The following BTBD19 variants were observed in gnomAD, a reference collection of about 807,000 sequenced individuals.
BTBD19 encodes BTB domain containing 19, also known as BTB/POZ domain-containing protein 19.
BTBD19 carries 20 observed loss-of-function variants against 36.1 expected under a neutral mutation model. The observed-to-expected ratio is 0.55, with a 90% CI of 0.39 to 0.80. BTBD19 has a LOEUF of 0.80. Among genes scored for constraint, BTBD19 ranks in the 30% least tolerant of loss-of-function variants. The pLI is 0.00. For synonymous variants in BTBD19, 157 were observed against 174.3 expected (o/e 0.90, Z 0.78); for missense variants, 325 against 389.8 (o/e 0.83, Z 1.40).
exon 1 of BTBD19, chr1:44,808,780 G>T (rs762805241): frequency 9.8e-5 from 142 of 1,443,414 alleles, no homozygotes; most frequent in African/African-American, 4.3e-5. Flanking sequence ...GCCTGGCCAG[G>T]CCTCCCAGGC....
At position 44,810,364 on chromosome 1, in the gene BTBD19, G is replaced by C. The variant is rs2148862743; in HGVS notation, c.238G>C (p.Glu80Gln). 6.4e-7 allele frequency: 1 copy of C among 1,551,754 alleles called. No individual in the cohort carries two copies. Among genetic ancestry groups the C allele is most frequent in the East Asian group, 2.4e-5 (1 of 40,930 alleles). Reference sequence around the variant, plus strand: ...TGTGGTGCTAAGCACTGTGCCAACTGAGGCCTTCCTGGCAGTGCTGGAGTT... The same window carrying C: ...TGTGGTGCTAAGCACTGTGCCAACTCAGGCCTTCCTGGCAGTGCTGGAGTT... The change falls in exon 2 of 8, where the codon GAG (glutamate) becomes CAG (glutamine). Residue 80 changes from glutamate to glutamine, a missense_variant. Glu to Gln is a conservative substitution (Grantham distance 29). Transcript: ENST00000450269. The surrounding 1 kb of genome is among the most constrained non-coding windows in gnomAD (Gnocchi z 4.2).
Position 44,813,237 on chromosome 1 carries a change from C to G in BTBD19, c.583C>G (p.Arg195Gly), listed in dbSNP as rs920910130. The G allele has an allele frequency of 8.4e-6, 13 of 1,539,500 alleles. No homozygotes were observed. In the African/African-American group the frequency reaches 1.5e-4, roughly 18 times the overall value. The change falls in exon 6 of 8, where the codon CGC becomes GGC. Residue 195 changes from arginine to glycine, a missense_variant. Arg to Gly is a moderately radical substitution (Grantham distance 125). Transcript: ENST00000450269. The surrounding 1 kb of genome is among the most constrained non-coding windows in gnomAD (Gnocchi z 7.8). ...CTGCGTGGACGAGGCTGAACTGGTCCGCGCGGCCCGAAGCTGGGCGCGCGT... is the reference window on the plus strand; with the variant it reads ...CTGCGTGGACGAGGCTGAACTGGTCGGCGCGGCCCGAAGCTGGGCGCGCGT...
intron 4 of BTBD19, 104 bp from the exon 5 acceptor site, chr1:44,812,892 C>G: frequency 2.7e-6 from 3 of 1,123,184 alleles, no homozygotes. Context: ...CTGTCAGCCT[C>G]CCCAGCTAGG....
chr1:44,810,621 C>A lies in BTBD19; in HGVS notation c.354+14C>A. On this transcript the variant is annotated intron_variant, in intron 3 of 7. Coordinates refer to ENST00000450269, the Ensembl canonical transcript of BTBD19. The surrounding 1 kb of genome is among the most constrained non-coding windows in gnomAD (Gnocchi z 4.2). ...GAACTGAGAGAGGTGGGTTTTTGTG[C>A]CAGGTCCCTGTCTCATTTCCCTTGC... 1 of 1,534,374 alleles carries A rather than the reference C, an allele frequency of 6.5e-7. No homozygotes were observed. Among genetic ancestry groups the A allele is most frequent in the South Asian group, 1.2e-5 (1 of 81,394 alleles).
intron 1 of BTBD19, among the ~76,000 whole-genome samples, chr1:44,809,214 T>TG (rs1053903449): frequency 6.6e-6 from 1 of 152,056 alleles, no homozygotes; most frequent in Non-Finnish European, 1.5e-5. Flanking sequence ...TTAGAGATGG[T>TG]GGGTCATGAT....
In BTBD19 at chr1:44,810,548, C is replaced by G. The variant is rs1264379222; in HGVS notation, c.301-6C>G. The G allele has an allele frequency of 6.4e-7, 1 of 1,550,400 alleles. No individual in the cohort carries two copies. The highest frequency in any genetic ancestry group is 1.4e-5 in the African/African-American group (1 of 73,042). On this transcript the variant is annotated splice_polypyrimidine_tract_variant and splice_region_variant and intron_variant, in intron 2 of 7. Transcript: ENST00000450269. This position sits in a 1 kb window ranked among gnomAD's most constrained non-coding sequence, Gnocchi z 4.2. ...CCTTCCACTCCCCCAACCACCCACTCTACAGGTGCTGGAAGTGCTGACAGC... is the reference window on the plus strand; with the variant it reads ...CCTTCCACTCCCCCAACCACCCACTGTACAGGTGCTGGAAGTGCTGACAGC...
In BTBD19 at chr1:44,813,768, A is replaced by G; in HGVS notation, c.872A>G (p.Lys291Arg). 6.4e-7 allele frequency: 1 copy of G among 1,551,258 alleles called. No individual in the cohort carries two copies. Among genetic ancestry groups the G allele is most frequent in the Non-Finnish European group, 8.7e-7 (1 of 1,146,802 alleles). Residue 291 changes from lysine (K) to arginine (R), a missense_variant, in exon 8 of 8, where the codon AAA becomes AGA. By Grantham distance (26) the Lys-to-Arg change is conservative (BLOSUM62 2). Transcript: ENST00000450269. The surrounding 1 kb of genome is among the most constrained non-coding windows in gnomAD (Gnocchi z 7.8). ...CACCGCTTTCTGGACCTGTCCTTCA[A>G]ATGATCCAACGCCGGGACTCGCAGG...
At position 44,813,186 on chromosome 1, in the gene BTBD19, C is replaced by A; in HGVS notation, c.532C>A (p.Leu178Met). 6.5e-7 allele frequency: 1 copy of A among 1,537,768 alleles called. No individual in the cohort carries two copies. Among genetic ancestry groups the A allele is most frequent in the Non-Finnish European group, 8.7e-7 (1 of 1,144,644 alleles). ...CCTGGAGCTGTCGGCGGCCGCGCTG[C>A]TGCCCCTGCTCCGCAGCGACAAGCT... The change falls in exon 6 of 8, where the codon CTG becomes ATG. Residue 178 changes from leucine to methionine, a missense_variant. Leu to Met is a conservative substitution (Grantham distance 15, BLOSUM62 2). Transcript: ENST00000450269. The surrounding 1 kb of genome is among the most constrained non-coding windows in gnomAD (Gnocchi z 7.8).
At chr1:44,814,195 TTTCTTTC>T (rs1403133967), downstream of BTBD19, 1 of 138,230 alleles carries the variant, frequency 7.2e-6, no homozygotes, top group Non-Finnish European at 1.3e-5. Flanking sequence ...TCTTTCTTTC[TTTCTTTC>T]TTTCTTTCTT....
At chr1:44,812,874 T>C (rs1652489157) in intron 4 of BTBD19, 122 bp from the exon 5 acceptor site, 2 of 809,146 alleles carry the variant, frequency 2.5e-6, no homozygotes, top group Admixed American at 2.9e-5. Flanking sequence ...CCTGGAGGGC[T>C]GAGGGCCCTG....
chr1:44,808,883 C>A (rs760926785), exon 1 of BTBD19: 116 of 1,550,232 alleles, frequency 7.5e-5, no homozygotes, highest in Non-Finnish European at 9.7e-5. Context: ...CACTCCGAAG[C>A]CTTGTCAACA....
chr1:44,812,463 T>C, intron 4 of BTBD19: 1 of 454,540 alleles, frequency 2.2e-6, no homozygotes, highest in Non-Finnish European at 4.4e-6. Flanking sequence ...TTCAGCACTT[T>C]TGGAGGCCGA....
intron 1 of BTBD19, among the ~76,000 whole-genome samples, chr1:44,809,716 A>G (rs1274212923): frequency 1.3e-5 from 2 of 152,220 alleles, no homozygotes; most frequent in African/African-American, 4.8e-5. Context: ...ATGATGGTGC[A>G]TCACTGCTGT....
rs895360011 is a variant in BTBD19, at chr1:44,810,137, G to A, written c.87-76G>A. On this transcript the variant is annotated intron_variant, in intron 1 of 7. Transcript: ENST00000450269. The surrounding 1 kb of genome is among the most constrained non-coding windows in gnomAD (Gnocchi z 4.2). ...TCTGGTTAGGAAACTAAGACCCAGA[G>A]TGGGCAAAGGCACAGCCCAAGTTGC... 2.3e-6 allele frequency: 3 copies of A among 1,307,776 alleles called. No individual in the cohort carries two copies. The highest frequency in any genetic ancestry group is 3.2e-6 in the Non-Finnish European group (3 of 934,408). The allele number at this position is 1,307,776 out of a possible 1,614,324, so 81.0% of individuals were successfully genotyped here.
intron 3 of BTBD19, among the ~76,000 whole-genome samples, chr1:44,811,131 G>A (rs960510570): frequency 2.0e-5 from 3 of 150,008 alleles, no homozygotes; most frequent in East Asian, 2.0e-4. Flanking sequence ...TGAGGCACAA[G>A]AATCGCTTGA....
exon 1 of BTBD19, chr1:44,808,719 C>A: frequency 1.2e-6 from 1 of 823,176 alleles, no homozygotes; most frequent in South Asian, 1.9e-5. Flanking sequence ...AACAGGCCTC[C>A]CAAGTCCCTG....
chr1:44,814,146 TTCTCTTTC>T (rs1557635196), downstream of BTBD19: 1 of 207,026 alleles, frequency 4.8e-6, no homozygotes, highest in Non-Finnish European at 9.0e-6. Context: ...TTCTTTTTCT[TTCTCTTTC>T]TTTCTTTCTT....
exon 1 of BTBD19, chr1:44,808,871 A>G (rs1652261980): frequency 6.5e-7 from 1 of 1,550,342 alleles, no homozygotes; most frequent in Non-Finnish European, 8.7e-7. Flanking sequence ...CTTTTTCCGC[A>G]GCACTCCGAA....
At position 44,810,483 on chromosome 1, in the gene BTBD19, G is replaced by A; in HGVS notation, c.300+57G>A. On this transcript the variant is annotated intron_variant, in intron 2 of 7. Coordinates refer to ENST00000450269, the Ensembl canonical transcript of BTBD19. This position sits in a 1 kb window ranked among gnomAD's most constrained non-coding sequence, Gnocchi z 4.2. ...GAGGTGGGGGGTGCCAGAGGCAGGA[G>A]TTTGCCCATTACACTGTGGGCACAG... The A allele has an allele frequency of 6.4e-7, 1 of 1,550,546 alleles. No homozygotes were observed. The highest frequency in any genetic ancestry group is 8.7e-7 in the Non-Finnish European group (1 of 1,146,200).
Sources: gnomAD v4.1 joint callset for allele counts (sites outside exome capture counted in the v4.1 genomes callset) on GRCh38, gnomAD v4.1.1 for gene constraint, Gnocchi (gnomAD v3.1) non-coding constraint, MANE v1.5 for transcripts, NCBI Gene and HGNC (gene_info 2026-07-23, HGNC 2026-07-21) for gene names.